SORCS2: variants seen among roughly 807,000 people sequenced by gnomAD.
The protein encoded by SORCS2 is sortilin related VPS10 domain containing receptor 2.
Under a neutral mutation model 141.6 loss-of-function variants are expected in SORCS2, and 100 were observed. The observed-to-expected ratio is 0.71, with a 90% CI of 0.60 to 0.83. The LOEUF is 0.83. Ranked by LOEUF, SORCS2 falls within the 40% of genes least tolerant of loss-of-function variation. SORCS2 has a pLI of 0.00. For missense variants in SORCS2, 1,646 were observed against 1,560.2 expected, an observed-to-expected ratio of 1.05 and a Z score of -0.93; for synonymous variants, 789 against 676.9, an observed-to-expected ratio of 1.17 and a Z score of -2.57.
At chr4:7,421,631 G>A (rs1726066238) in intron 2 of SORCS2, among the ~76,000 whole-genome samples, 1 of 152,154 alleles carries the variant, frequency 6.6e-6, no homozygotes, top group Admixed American at 6.5e-5. Flanking sequence ...CCCTTTGTGT[G>A]TCTCCTAAGC....
chr4:7,319,367 C>A (rs1008303798), intron 1 of SORCS2, among the ~76,000 whole-genome samples: 4 of 151,990 alleles, frequency 2.6e-5, no homozygotes, highest in Non-Finnish European at 5.9e-5. Flanking sequence ...ACAAATTGGA[C>A]CCTCCGACTT....
intron 2 of SORCS2, among the ~76,000 whole-genome samples, chr4:7,486,574 C>T (rs993416250): frequency 5.9e-5 from 9 of 152,208 alleles, no homozygotes; most frequent in Non-Finnish European, 8.8e-5. Flanking sequence ...GGTAGCTTCC[C>T]GGGGCTGCCA....
At chr4:7,470,595 C>A (rs1257667979) in intron 2 of SORCS2, among the ~76,000 whole-genome samples, 2 of 151,890 alleles carry the variant, frequency 1.3e-5, no homozygotes, top group African/African-American at 4.9e-5. Context: ...ATGGTCTGGG[C>A]GATGCTTGGA....
At chr4:7,307,642 G>C (rs1216124705) in intron 1 of SORCS2, among the ~76,000 whole-genome samples, 1 of 152,238 alleles carries the variant, frequency 6.6e-6, no homozygotes, top group Non-Finnish European at 1.5e-5. Context: ...CCATCAGAGG[G>C]AAGCGGCTGA....
intron 3 of SORCS2, among the ~76,000 whole-genome samples, chr4:7,623,677 C>T (rs1179766661): frequency 6.6e-6 from 1 of 152,154 alleles, no homozygotes; most frequent in Non-Finnish European, 1.5e-5. Flanking sequence ...GTCACCTGGG[C>T]ACCTCGCTGT....
intron 10 of SORCS2, 115 bp downstream of exon 10, chr4:7,683,004 A>T: frequency 3.8e-6 from 5 of 1,307,560 alleles, no homozygotes; most frequent in Non-Finnish European, 5.2e-6. Flanking sequence ...GAGACACATG[A>T]ACCACCTATT....
At chr4:7,411,113 G>A (rs559398934) in intron 2 of SORCS2, among the ~76,000 whole-genome samples, 22 of 151,672 alleles carry the variant, frequency 1.5e-4, no homozygotes, top group Middle Eastern at 3.4e-3. Flanking sequence ...GCATCACCAC[G>A]CCCAGCTAAT....
At chr4:7,717,850 A>G (rs1468448361) in intron 17 of SORCS2, among the ~76,000 whole-genome samples, 162 bp from the exon 18 acceptor site, 1 of 152,204 alleles carries the variant, frequency 6.6e-6, no homozygotes, top group Non-Finnish European at 1.5e-5. Context: ...TGTAACAGCA[A>G]TCAGGTGGAG....
intron 3 of SORCS2, among the ~76,000 whole-genome samples, chr4:7,539,794 T>C (rs1712441071): frequency 1.0e-5 from 1 of 97,482 alleles, no homozygotes; most frequent in African/African-American, 3.6e-5. Context: ...TTGTGGATGC[T>C]CTGCCTCCTT....
intron 1 of SORCS2, among the ~76,000 whole-genome samples, chr4:7,222,305 A>G (rs1345258239): frequency 6.6e-6 from 1 of 152,216 alleles, no homozygotes; most frequent in Admixed American, 6.5e-5. Flanking sequence ...TTATTCAGCC[A>G]TGGACAGGAA....
rs1715608762 is a variant in SORCS2, at chr4:7,574,407, A to G, written c.648+42778A>G. On this transcript the variant is annotated intron_variant, in intron 3 of 26. Coordinates refer to ENST00000507866, the MANE Select transcript of SORCS2 (RefSeq NM_020777.3). ...AGAAAACAGGGAGTTGTTTACAGCC[A>G]TGTCTTAGAGAGTGATGACGTGTTC... Among the ~76,000 whole-genome samples the G allele has an allele frequency of 2.0e-5, 3 of 152,180 alleles. No homozygotes were observed. In the South Asian group the frequency reaches 6.2e-4, roughly 31 times the overall value.
At position 7,650,525 on chromosome 4, in the gene SORCS2, C is replaced by T. The variant is rs569753036; in HGVS notation, c.814-3609C>T. On this transcript the variant is annotated intron_variant, in intron 4 of 26. Transcript: ENST00000507866. ...AAGGTCTCCTGCTGTGCACGGTGGG[C>T]GCTAGTGGAGCCAGGCCTGCCGGAG... 5.3e-4 allele frequency among the ~76,000 whole-genome samples: 81 copies of T among 152,328 alleles called. No homozygotes were observed. The South Asian group carries it at 0.012, about 22-fold the overall frequency.
intron 1 of SORCS2, among the ~76,000 whole-genome samples, chr4:7,230,961 G>A (rs900580684): frequency 6.6e-6 from 1 of 152,256 alleles, no homozygotes; most frequent in Non-Finnish European, 1.5e-5. Flanking sequence ...GAGAAACAGA[G>A]CCAGTAGGAA....
chr4:7,290,706 G>A (rs982602691), intron 1 of SORCS2, among the ~76,000 whole-genome samples: 14 of 152,320 alleles, frequency 9.2e-5, no homozygotes, highest in South Asian at 8.3e-4. Flanking sequence ...GCGTGTGTGC[G>A]TGCAGATGTG....
chr4:7,730,954 A>C (rs780882387), intron 23 of SORCS2, among the ~76,000 whole-genome samples: 5 of 152,244 alleles, frequency 3.3e-5, no homozygotes, highest in Non-Finnish European at 5.9e-5. Flanking sequence ...CACTCAGGTG[A>C]TCTGGAAGGC....
intron 3 of SORCS2, among the ~76,000 whole-genome samples, chr4:7,536,503 C>T (rs1712132743): frequency 6.6e-6 from 1 of 152,178 alleles, no homozygotes; most frequent in Non-Finnish European, 1.5e-5. Flanking sequence ...TCAGGAGGTA[C>T]AGGGCTGGTC....
intron 1 of SORCS2, among the ~76,000 whole-genome samples, chr4:7,338,930 A>G (rs1409184133): frequency 2.6e-5 from 4 of 152,124 alleles, no homozygotes; most frequent in Non-Finnish European, 4.4e-5. Context: ...CCATACCCGC[A>G]CCAGGGAGCT....
At chr4:7,703,717 G>A (rs1725232485) in intron 13 of SORCS2, among the ~76,000 whole-genome samples, 1 of 152,212 alleles carries the variant, frequency 6.6e-6, no homozygotes, top group African/African-American at 2.4e-5. Flanking sequence ...ATATGCCCAG[G>A]TGAGAGGGTT....
At chr4:7,548,229 C>T (rs903338925) in intron 3 of SORCS2, among the ~76,000 whole-genome samples, 2 of 152,132 alleles carry the variant, frequency 1.3e-5, no homozygotes, top group African/African-American at 2.4e-5. Flanking sequence ...AATGCTCCCG[C>T]GACCATTTGT....
Sources: gnomAD v4.1 joint callset for allele counts (sites outside exome capture counted in the v4.1 genomes callset) on GRCh38, gnomAD v4.1.1 for gene constraint, MANE v1.5 for transcripts, NCBI Gene and HGNC (gene_info 2026-07-23, HGNC 2026-07-21) for gene names.